Variants in SEC61A2 observed in about 807,000 individuals in gnomAD.
The protein encoded by SEC61A2 is SEC61 translocon subunit alpha 2.
A neutral mutation model predicts 59.9 loss-of-function variants in SEC61A2; 28 were observed. That is an observed-to-expected ratio of 0.47 (90% CI 0.35 to 0.64). The LOEUF is 0.64. SEC61A2 is among the 30% of genes least tolerant of loss of function. SEC61A2 has a pLI of 0.01. For synonymous variants in SEC61A2, 202 were observed against 214.4 expected (o/e 0.94, Z 0.50); for missense variants, 340 against 585.9 (o/e 0.58, Z 4.33).
At chr10:12,133,190 C>A in intron 1 of SEC61A2, 51 bp from the exon 2 acceptor site, 1 of 926,344 alleles carries the variant, frequency 1.1e-6, no homozygotes, top group Non-Finnish European at 1.7e-6. Context: ...AAAGACAGAT[C>A]TTTTTTTAAC....
rs1022339744 is a variant in SEC61A2 at position 12,165,003 on chromosome 10, A to C, written c.*549A>C. ...CACTTAGCCCACATGGGCGAAATCA[A>C]GTCTCCAGTTATTTCTGCCACAACT... On this transcript the variant is annotated 3_prime_UTR_variant, in exon 12 of 12. Coordinates refer to ENST00000298428, the MANE Select transcript of SEC61A2 (RefSeq NM_018144.4). The C allele has an allele frequency of 2.0e-6, 2 of 985,088 alleles. No individual in the cohort carries two copies. The highest frequency in any genetic ancestry group is 3.5e-5 in the African/African-American group (2 of 56,810). 61.0% of individuals were successfully genotyped at this position (985,088 alleles called of 1,614,324 possible).
rs1834062170 is a variant in SEC61A2, at chr10:12,143,241, G to A, written c.220+46G>A. On this transcript the variant is annotated intron_variant, in intron 4 of 11. Coordinates refer to ENST00000298428, the MANE Select transcript of SEC61A2 (RefSeq NM_018144.4). The surrounding 1 kb of genome is among the most constrained non-coding windows in gnomAD (Gnocchi z 4.8). Reference sequence around the variant, plus strand: ...TCCACACTCCTACTCACAGCAAACAGATGGAAACATGTGGATTAGCAATGA... The same window carrying A: ...TCCACACTCCTACTCACAGCAAACAAATGGAAACATGTGGATTAGCAATGA... The A allele has an allele frequency of 7.5e-7, 1 of 1,326,622 alleles. No homozygotes were observed. The highest frequency in any genetic ancestry group is 1.4e-5 in the African/African-American group (1 of 69,330). The allele number at this position is 1,326,622 out of a possible 1,614,324, so 82.2% of individuals were successfully genotyped here. A position where few individuals can be genotyped will look rare whatever the true frequency, so the allele number is the denominator to read the frequency against.
chr10:12,169,523 C>T, downstream of SEC61A2: 1 of 504,564 alleles, frequency 2.0e-6, no homozygotes. The surrounding 1 kb of genome is among the most constrained non-coding windows in gnomAD (Gnocchi z 4.8). Context: ...AGCTGCGCTG[C>T]CTCGTATTGA....
rs920691690 is a variant in SEC61A2 at position 12,144,998 on chromosome 10, G to A, written c.220+1803G>A. Reference sequence around the variant, plus strand: ...TGGGAGGAAGAGATTGCAGTGAGCCGAGATCACGCCACTGCACTCTAGCCG... The same window carrying A: ...TGGGAGGAAGAGATTGCAGTGAGCCAAGATCACGCCACTGCACTCTAGCCG... On this transcript the variant is annotated intron_variant, in intron 4 of 11. Coordinates refer to ENST00000298428, the MANE Select transcript of SEC61A2 (RefSeq NM_018144.4). Among the ~76,000 whole-genome samples the A allele has an allele frequency of 4.6e-5, 7 of 151,860 alleles. No individual in the cohort carries two copies. In the South Asian group the frequency reaches 6.2e-4, roughly 14 times the overall value.
In SEC61A2 at chr10:12,158,407, A is replaced by G. The variant is rs4589194; in HGVS notation, c.975+302A>G. 0.38 allele frequency: 123,128 copies of G among 325,126 alleles called. 24,191 individuals are homozygous for G. Among genetic ancestry groups the G allele is most frequent in the East Asian group, 0.47 (5,475 of 11,528 alleles). 20.1% of individuals were successfully genotyped at this position (325,126 alleles called of 1,614,324 possible). A position where few individuals can be genotyped will look rare whatever the true frequency, so the allele number is the denominator to read the frequency against. ...ATTTCCTATTTTGTCATCTTATTCC[A>G]GTATTGTCTACAATAATGCTTTCTA... On this transcript the variant is annotated intron_variant, in intron 9 of 11. Transcript: ENST00000298428. This position sits in a 1 kb window ranked among gnomAD's most constrained non-coding sequence, Gnocchi z 5.7.
In SEC61A2 at chr10:12,156,008, A is replaced by C. The variant is rs1174976399; in HGVS notation, c.616+77A>C. Reference sequence around the variant, plus strand: ...GAACAAACCCATCGTGTCGCAGTACATGCCTAGAGCCGTTCTGGTTTGCTC... The same window carrying C: ...GAACAAACCCATCGTGTCGCAGTACCTGCCTAGAGCCGTTCTGGTTTGCTC... On this transcript the variant is annotated intron_variant, in intron 7 of 11. Coordinates refer to ENST00000298428, the MANE Select transcript of SEC61A2 (RefSeq NM_018144.4). The surrounding 1 kb of genome is among the most constrained non-coding windows in gnomAD (Gnocchi z 5.2). The C allele has an allele frequency of 2.6e-6, 4 of 1,510,454 alleles. No homozygotes were observed. The highest frequency in any genetic ancestry group is 1.7e-5 in the Admixed American group (1 of 59,438). 93.6% of individuals were successfully genotyped at this position (1,510,454 alleles called of 1,614,324 possible). A position where few individuals can be genotyped will look rare whatever the true frequency, so the allele number is the denominator to read the frequency against.
Position 12,155,435 on chromosome 10 carries a change from T to C in SEC61A2, c.463-343T>C, listed in dbSNP as rs769408410. 86 of 1,247,252 alleles carry C rather than the reference T, an allele frequency of 6.9e-5. No homozygotes were observed. Among genetic ancestry groups the C allele is most frequent in the Non-Finnish European group, 9.1e-5 (83 of 910,300 alleles). The allele number at this position is 1,247,252 out of a possible 1,614,324, so 77.3% of individuals were successfully genotyped here. On this transcript the variant is annotated intron_variant, in intron 6 of 11. Coordinates refer to ENST00000298428, the MANE Select transcript of SEC61A2 (RefSeq NM_018144.4). The surrounding 1 kb of genome is among the most constrained non-coding windows in gnomAD (Gnocchi z 4.3). ...TTGGGATGTTTTCAGTTTCTTGCTG[T>C]CATAAATTCTAGAATACTGTGATCA...
At position 12,164,268 on chromosome 10, in the gene SEC61A2, G is replaced by A. The variant is rs1180812387; in HGVS notation, c.1245G>A (p.Arg415=). The A allele has an allele frequency of 1.2e-6, 2 of 1,612,622 alleles. No homozygotes were observed. The highest frequency in any genetic ancestry group is 1.7e-6 in the Non-Finnish European group (2 of 1,179,998). ...CCTAACTTGGGGTTCTGTCTCCTAGGTACATCCCCACCGCAGCTGCGTTTG... is the reference window on the plus strand; with the variant it reads ...CCTAACTTGGGGTTCTGTCTCCTAGATACATCCCCACCGCAGCTGCGTTTG... ...RDTSMVHELN[R]YIPTAAAFGG... Residue 415 remains arginine, a splice_region_variant and synonymous_variant, in exon 12 of 12, where the codon AGG becomes AGA. Coordinates refer to ENST00000298428, the MANE Select transcript of SEC61A2 (RefSeq NM_018144.4). The surrounding 1 kb of genome is among the most constrained non-coding windows in gnomAD (Gnocchi z 7.3).
intron 11 of SEC61A2, among the ~76,000 whole-genome samples, chr10:12,163,412 C>T (rs566870994): frequency 1.3e-5 from 2 of 150,806 alleles, no homozygotes. Flanking sequence ...GCAACCTCGA[C>T]CTCCTGGGAT....
intron 4 of SEC61A2, among the ~76,000 whole-genome samples, chr10:12,147,673 A>T (rs1335027257): frequency 1.4e-5 from 2 of 147,368 alleles, no homozygotes; most frequent in Admixed American, 1.4e-4. Context: ...TGACAGTGAG[A>T]CTCTGTCTAA....
chr10:12,141,750 A>G (rs1229217539), intron 3 of SEC61A2, among the ~76,000 whole-genome samples: 1 of 152,042 alleles, frequency 6.6e-6, no homozygotes, highest in Non-Finnish European at 1.5e-5. Context: ...CGCACTCCTG[A>G]ATTTGAGGTA....
rs1308307921 is a variant in SEC61A2 at position 12,155,720 on chromosome 10, T to C, written c.463-58T>C. ...GCTTGGAAATAGCCAATGGTGTTCC[T>C]CTCCCCCTTTCTTGAGTTTGTTCTT... On this transcript the variant is annotated intron_variant, in intron 6 of 11. Coordinates refer to ENST00000298428, the MANE Select transcript of SEC61A2 (RefSeq NM_018144.4). This position sits in a 1 kb window ranked among gnomAD's most constrained non-coding sequence, Gnocchi z 4.3. 9 of 1,599,544 alleles carry C rather than the reference T, an allele frequency of 5.6e-6. No individual in the cohort carries two copies. In the East Asian group the frequency reaches 1.8e-4, roughly 32 times the overall value.
In SEC61A2 at chr10:12,143,282, AG is replaced by A. The variant is rs1371054947; in HGVS notation, c.220+90del. The A allele has an allele frequency of 4.4e-6, 4 of 917,554 alleles. No homozygotes were observed. The East Asian group carries it at 9.6e-5, about 22-fold the overall frequency. The allele number at this position is 917,554 out of a possible 1,614,324, so 56.8% of individuals were successfully genotyped here. Reference sequence around the variant, plus strand: ...TTAGCAATGAGTTTTCAATGTCTACAGGGAGGGGGAGGATATCATTGCCTAG... The same window carrying A: ...TTAGCAATGAGTTTTCAATGTCTACAGGAGGGGGAGGATATCATTGCCTAG... On this transcript the variant is annotated intron_variant, in intron 4 of 11. Transcript: ENST00000298428. The surrounding 1 kb of genome is among the most constrained non-coding windows in gnomAD (Gnocchi z 4.8).
chr10:12,148,367 T>G (rs1834195086), intron 4 of SEC61A2, among the ~76,000 whole-genome samples: 1 of 150,086 alleles, frequency 6.7e-6, no homozygotes, highest in Admixed American at 6.7e-5. Context: ...TGCCTCAGCC[T>G]CCCAAGTAGC....
At position 12,165,261 on chromosome 10, in the gene SEC61A2, G is replaced by A. The variant is rs1243783494; in HGVS notation, c.*807G>A. Reference sequence around the variant, plus strand: ...CAAGCAATGTCTGTAGTTCAGTGGGGGTGAACAATGAATATATTCATGCTA... The same window carrying A: ...CAAGCAATGTCTGTAGTTCAGTGGGAGTGAACAATGAATATATTCATGCTA... On this transcript the variant is annotated 3_prime_UTR_variant, in exon 12 of 12. Coordinates refer to ENST00000298428, the MANE Select transcript of SEC61A2 (RefSeq NM_018144.4). The A allele has an allele frequency of 1.6e-5, 16 of 985,202 alleles. No homozygotes were observed. Among genetic ancestry groups the A allele is most frequent in the Non-Finnish European group, 1.8e-5 (15 of 829,920 alleles). 61.0% of individuals were successfully genotyped at this position (985,202 alleles called of 1,614,324 possible). A position where few individuals can be genotyped will look rare whatever the true frequency, so the allele number is the denominator to read the frequency against.
chr10:12,131,540 TG>T, intron 1 of SEC61A2, among the ~76,000 whole-genome samples: 1 of 152,090 alleles, frequency 6.6e-6, no homozygotes, highest in Non-Finnish European at 1.5e-5. Context: ...AAGAGTAGTC[TG>T]GGAAAACAAT....
In SEC61A2 at chr10:12,155,732, T is replaced by C. The variant is rs376991297; in HGVS notation, c.463-46T>C. 2.5e-6 allele frequency: 4 copies of C among 1,610,670 alleles called. No individual in the cohort carries two copies. The highest frequency in any genetic ancestry group is 2.7e-5 in the African/African-American group (2 of 74,830). The stretch of plus-strand genomic sequence containing the variant: ...CCAATGGTGTTCCTCTCCCCCTTTC[T>C]TGAGTTTGTTCTTGCTTCCGCTTAC... On this transcript the variant is annotated intron_variant, in intron 6 of 11. Coordinates refer to ENST00000298428, the MANE Select transcript of SEC61A2 (RefSeq NM_018144.4). This position sits in a 1 kb window ranked among gnomAD's most constrained non-coding sequence, Gnocchi z 4.3.
intron 1 of SEC61A2, among the ~76,000 whole-genome samples, chr10:12,131,002 A>G (rs990612598): frequency 6.6e-6 from 1 of 152,090 alleles, no homozygotes; most frequent in Non-Finnish European, 1.5e-5. Context: ...ATGAAACCCC[A>G]TCTCTACTAA....
Position 12,154,853 on chromosome 10 carries a change from G to A in SEC61A2, c.463-925G>A, listed in dbSNP as rs1052762193. 4.6e-5 allele frequency among the ~76,000 whole-genome samples: 7 copies of A among 152,270 alleles called. No individual in the cohort carries two copies. The highest frequency in any genetic ancestry group is 1.7e-4 in the African/African-American group (7 of 41,548). On this transcript the variant is annotated intron_variant, in intron 6 of 11. Transcript: ENST00000298428. This position sits in a 1 kb window ranked among gnomAD's most constrained non-coding sequence, Gnocchi z 5.2. The stretch of plus-strand genomic sequence containing the variant: ...AATGAGGGTGGGCGGCTTGAGAGCT[G>A]GGAGGAATGGAAGTGACTTCCTCAC...
Sources: gnomAD v4.1 joint callset for allele counts (sites outside exome capture counted in the v4.1 genomes callset) on GRCh38, gnomAD v4.1.1 for gene constraint, Gnocchi (gnomAD v3.1) non-coding constraint, MANE v1.5 for transcripts, NCBI Gene and HGNC (gene_info 2026-07-23, HGNC 2026-07-21) for gene names.